Variants in ZBTB25 observed in about 807,000 individuals in gnomAD.
The protein encoded by ZBTB25 is zinc finger and BTB domain containing 25.
A neutral mutation model predicts 34.2 loss-of-function variants in ZBTB25; 20 were observed. That is an observed-to-expected ratio of 0.58 (90% confidence interval 0.41 to 0.85). The LOEUF is 0.85. Among genes scored for constraint, ZBTB25 ranks in the 40% least tolerant of loss-of-function variants. The pLI is 0.00. For synonymous variants in ZBTB25, 175 were observed against 186.4 expected (o/e 0.94, Z 0.50); for missense variants, 437 against 521.8 (o/e 0.84, Z 1.58).
chr14:64,492,117 CA>C (rs58321068), intron 1 of ZBTB25, among the ~76,000 whole-genome samples: 2,847 of 73,918 alleles, frequency 0.039, 74 homozygotes, highest in African/African-American at 0.12. Context: ...GACCCTATCT[CA>C]AAAAAAAAAA....
chr14:64,501,221 CTAT>C (rs142298457), intron 1 of ZBTB25, among the ~76,000 whole-genome samples: 1,555 of 152,270 alleles, frequency 0.01, 21 homozygotes, highest in African/African-American at 0.036. Flanking sequence ...TTTTCAAAAC[CTAT>C]TATTATAATA....
rs199607387 is a variant in ZBTB25 at position 64,468,495 on chromosome 14, T to C, written c.174-18857A>G. Reference sequence around the variant, plus strand: ...GAAAGGCAGAAGGAAAAGGCATCCATGCTTTGCTTCAAGAGAAGAAAGAAA... The same window carrying C: ...GAAAGGCAGAAGGAAAAGGCATCCACGCTTTGCTTCAAGAGAAGAAAGAAA... On this transcript the variant is annotated intron_variant, in intron 2 of 2. Transcript: ENST00000555220. 1.2e-5 allele frequency: 20 copies of C among 1,614,114 alleles called. No homozygotes were observed. The East Asian group carries it at 3.3e-4, about 27-fold the overall frequency.
intron 1 of ZBTB25, 49 bp from the exon 2 acceptor site, chr14:64,490,589 C>A: frequency 7.0e-7 from 1 of 1,425,728 alleles, no homozygotes. Context: ...TGTATATACG[C>A]ATTATTTTTT....
intron 2 of ZBTB25, chr14:64,454,918 C>A (rs766752934): frequency 1.2e-6 from 2 of 1,604,420 alleles, no homozygotes; most frequent in Non-Finnish European, 1.7e-6. Flanking sequence ...ATCTGCACTT[C>A]TCGTCTGAAG....
chr14:64,486,319 T>C lies in ZBTB25; in HGVS notation c.*604A>G, dbSNP rs941103820. 18 of 984,414 alleles carry C rather than the reference T, an allele frequency of 1.8e-5. No individual in the cohort carries two copies. The highest frequency in any genetic ancestry group is 1.9e-5 in the Non-Finnish European group (16 of 829,430). The allele number at this position is 984,414 out of a possible 1,614,324, so 61.0% of individuals were successfully genotyped here. A position where few individuals can be genotyped will look rare whatever the true frequency, so the allele number is the denominator to read the frequency against. On this transcript the variant is annotated 3_prime_UTR_variant, in exon 3 of 3. Transcript: ENST00000608382. The stretch of plus-strand genomic sequence containing the variant: ...TCTGTCTCAAAAAAAAAAAGAGGTA[T>C]ACTCAATGTTAAAAAGTAAAGAGAA...
At chr14:64,503,156 G>A (rs191284998) in intron 1 of ZBTB25, 3 of 985,496 alleles carry the variant, frequency 3.0e-6, no homozygotes, top group Admixed American at 1.2e-4. Context: ...GATATGCTTA[G>A]AACAAGATAA....
At chr14:64,470,231 A>G (rs2078654023) in intron 2 of ZBTB25, 1 of 167,206 alleles carries the variant, frequency 6.0e-6, no homozygotes, top group Non-Finnish European at 1.5e-5. Context: ...CAATTTCAGC[A>G]GATAGTGTGC....
At chr14:64,459,008 A>C (rs1201225241) in intron 2 of ZBTB25, among the ~76,000 whole-genome samples, 2 of 152,214 alleles carry the variant, frequency 1.3e-5, no homozygotes, top group African/African-American at 4.8e-5. Flanking sequence ...TGGCTTGCCT[A>C]TGAAAAGAAT....
Position 64,479,136 on chromosome 14 carries a change from A to T in ZBTB25, c.*7787T>A, listed in dbSNP as rs1036505211. On this transcript the variant is annotated 3_prime_UTR_variant, in exon 3 of 3. Coordinates refer to ENST00000608382, the MANE Select transcript of ZBTB25 (RefSeq NM_006977.5). ...TCTCATACTCCAATACTTGCTCTAA[A>T]CATGACTAGAATAGAAATCCCCCAA... 6.6e-6 allele frequency: 1 copy of T among 152,218 alleles called. No individual in the cohort carries two copies. The highest frequency in any genetic ancestry group is 2.1e-4 in the South Asian group (1 of 4,828). 9.4% of individuals were successfully genotyped at this position (152,218 alleles called of 1,614,324 possible).
Position 64,488,798 on chromosome 14 carries a change from G to A in ZBTB25, c.174-741C>T, listed in dbSNP as rs189652931. 7.2e-5 allele frequency among the ~76,000 whole-genome samples: 11 copies of A among 152,210 alleles called. No homozygotes were observed. In the East Asian group the frequency reaches 2.1e-3, roughly 29 times the overall value. The stretch of plus-strand genomic sequence containing the variant: ...TAATGGGTACAAAGTTTCTGTTTGG[G>A]GTGATAAAAAAGTTTTGGAAATAGA... On this transcript the variant is annotated intron_variant, in intron 2 of 2. Coordinates refer to ENST00000608382, the MANE Select transcript of ZBTB25 (RefSeq NM_006977.5).
At chr14:64,503,869 G>GTGCT (rs1315502174), upstream of ZBTB25, 1 of 152,684 alleles carries the variant, frequency 6.5e-6, no homozygotes, top group Non-Finnish European at 1.5e-5. Context: ...GCGTGCGTGC[G>GTGCT]TGCGTGCGTA....
At chr14:64,454,941 A>G in intron 2 of ZBTB25, 2 of 1,545,396 alleles carry the variant, frequency 1.3e-6, no homozygotes, top group African/African-American at 1.4e-5. Context: ...TGTTGCCGAA[A>G]CCATCAAGCA....
intron 2 of ZBTB25, chr14:64,472,684 T>A (rs1031606462): frequency 6.0e-6 from 1 of 166,974 alleles, no homozygotes; most frequent in Non-Finnish European, 1.5e-5. Context: ...ATGTGCTACA[T>A]GGCCAAATCC....
At chr14:64,449,648 A>G in intron 2 of ZBTB25, 1 of 1,612,656 alleles carries the variant, frequency 6.2e-7, no homozygotes, top group Non-Finnish European at 8.5e-7. Flanking sequence ...TCTGCAAAAA[A>G]AGAAAAAAGA....
chr14:64,481,736 T>A lies in ZBTB25; in HGVS notation c.*5187A>T, dbSNP rs2078796380. The stretch of plus-strand genomic sequence containing the variant: ...ATTCCTTGTATTTAAGACATCCAGG[T>A]TTGGGACTGTGCAATCTCACCAGTT... On this transcript the variant is annotated 3_prime_UTR_variant, in exon 3 of 3. Coordinates refer to ENST00000608382, the MANE Select transcript of ZBTB25 (RefSeq NM_006977.5). The A allele has an allele frequency of 6.6e-6, 1 of 152,220 alleles. No homozygotes were observed. The highest frequency in any genetic ancestry group is 1.5e-5 in the Non-Finnish European group (1 of 68,044). The allele number at this position is 152,220 out of a possible 1,614,324, so 9.4% of individuals were successfully genotyped here. A position where few individuals can be genotyped will look rare whatever the true frequency, so the allele number is the denominator to read the frequency against.
chr14:64,485,957 A>C lies in ZBTB25; in HGVS notation c.*966T>G, dbSNP rs1326462682. The C allele has an allele frequency of 1.0e-6, 1 of 984,680 alleles. No homozygotes were observed. Among genetic ancestry groups the C allele is most frequent in the African/African-American group, 1.7e-5 (1 of 57,148 alleles). 61.0% of individuals were successfully genotyped at this position (984,680 alleles called of 1,614,324 possible). ...TTATTTATCTATGTGTGTATATCTT[A>C]CTGTTTCTTAAATATTTTTTAATGT... On this transcript the variant is annotated 3_prime_UTR_variant, in exon 3 of 3. Transcript: ENST00000608382.
At chr14:64,476,791 C>T (rs907330243), downstream of ZBTB25, among the ~76,000 whole-genome samples, 2 of 152,006 alleles carry the variant, frequency 1.3e-5, no homozygotes, top group African/African-American at 4.8e-5. Flanking sequence ...CCCTAAATAG[C>T]CTTATCAGTA....
At chr14:64,491,373 G>A (rs1215901350) in intron 1 of ZBTB25, among the ~76,000 whole-genome samples, 2 of 152,174 alleles carry the variant, frequency 1.3e-5, no homozygotes, top group Non-Finnish European at 2.9e-5. Context: ...GGCTGAGGCA[G>A]GAGGATCACT....
At position 64,490,454 on chromosome 14, in the gene ZBTB25, G is replaced by A. The variant is rs1458991374; in HGVS notation, c.80C>T (p.Thr27Ile). ...QREFGFLCDCTVAIGDVYFKA... is the reference protein window; with the variant it reads ...QREFGFLCDCIVAIGDVYFKA... ...GAAGTAAACATCTCCAATTGCAACT[G>A]TGCAATCACACAGAAAACCAAATTC... Residue 27 changes from threonine to isoleucine, a missense_variant, in exon 2 of 3, where the codon ACA (threonine) becomes ATA (isoleucine). Coordinates refer to ENST00000608382, the MANE Select transcript of ZBTB25 (RefSeq NM_006977.5). 1 of 1,613,796 alleles carries A rather than the reference G, an allele frequency of 6.2e-7. No homozygotes were observed. Among genetic ancestry groups the A allele is most frequent in the Non-Finnish European group, 8.5e-7 (1 of 1,179,824 alleles).
Sources: gnomAD v4.1 joint callset for allele counts (sites outside exome capture counted in the v4.1 genomes callset) on GRCh38, gnomAD v4.1.1 for gene constraint, MANE v1.5 for transcripts, NCBI Gene and HGNC (gene_info 2026-07-23, HGNC 2026-07-21) for gene names.